Variants in KSR1 observed in about 807,000 individuals in gnomAD.
KSR1 encodes the protein kinase suppressor of ras 1.
In KSR1, 35 loss-of-function variants were observed where a neutral mutation model predicts 92.9. The ratio of observed to expected loss-of-function variants is 0.38; its 90% CI spans 0.29 to 0.50. The LOEUF (loss-of-function observed/expected upper bound fraction) is 0.50, where lower values mean the gene tolerates loss of function less well. Ranked by LOEUF, KSR1 falls within the 20% of genes least tolerant of loss-of-function variation. The pLI is 0.94. For missense variants in KSR1, 972 were observed against 1,158.5 expected (o/e 0.84, Z 2.34); for synonymous variants, 467 against 472.6 (o/e 0.99, Z 0.15).
chr17:27,621,937 C>T, intron 20 of KSR1: 1 of 1,613,710 alleles, frequency 6.2e-7, no homozygotes, highest in Non-Finnish European at 8.5e-7. Flanking sequence ...AGGTTGTAGG[C>T]CTGGCTGCCT....
At chr17:27,482,555 A>G (rs1057277526) in intron 1 of KSR1, among the ~76,000 whole-genome samples, 5 of 152,256 alleles carry the variant, frequency 3.3e-5, no homozygotes, top group African/African-American at 1.2e-4. Context: ...ATTATTTTAT[A>G]CTGATGACGA....
chr17:27,587,912 ATG>A (rs1442233850), intron 5 of KSR1, among the ~76,000 whole-genome samples: 1 of 152,192 alleles, frequency 6.6e-6, no homozygotes, highest in Admixed American at 6.5e-5. Flanking sequence ...CCACTCGAGA[ATG>A]TGGTAAAGCT....
chr17:27,577,903 G>A lies in KSR1; in HGVS notation c.520+264G>A, dbSNP rs955441928. 34 of 595,680 alleles carry A rather than the reference G, an allele frequency of 5.7e-5. No individual in the cohort carries two copies. The highest frequency in any genetic ancestry group is 1.0e-4 in the Admixed American group (4 of 38,786). The allele number at this position is 595,680 out of a possible 1,614,324, so 36.9% of individuals were successfully genotyped here. A position where few individuals can be genotyped will look rare whatever the true frequency, so the allele number is the denominator to read the frequency against. On this transcript the variant is annotated intron_variant, in intron 3 of 20. Transcript: ENST00000644974. This position sits in a 1 kb window ranked among gnomAD's most constrained non-coding sequence, Gnocchi z 4.5. ...CAGGCCTGTCTGCTGGGCTGGGCTGGCCTGGCATGGTTTCCTCTCTGTTGA... is the reference window on the plus strand; with the variant it reads ...CAGGCCTGTCTGCTGGGCTGGGCTGACCTGGCATGGTTTCCTCTCTGTTGA...
intron 14 of KSR1, 57 bp downstream of exon 14, chr17:27,605,870 G>T: frequency 6.3e-7 from 1 of 1,597,634 alleles, no homozygotes; most frequent in South Asian, 1.1e-5. Context: ...CCCTTCCCAG[G>T]GAGCCCTGTT....
intron 2 of KSR1, among the ~76,000 whole-genome samples, chr17:27,555,012 G>A (rs1010970781): frequency 2.6e-5 from 4 of 152,144 alleles, no homozygotes; most frequent in Non-Finnish European, 5.9e-5. Context: ...TACAATGAAC[G>A]CAACTCCAGA....
Position 27,623,395 on chromosome 17 carries a change from A to G in KSR1, c.*3A>G. 2.6e-6 allele frequency: 2 copies of G among 764,304 alleles called. No homozygotes were observed. Among genetic ancestry groups the G allele is most frequent in the Non-Finnish European group, 4.8e-6 (2 of 417,506 alleles). 47.3% of individuals were successfully genotyped at this position (764,304 alleles called of 1,614,324 possible). A position where few individuals can be genotyped will look rare whatever the true frequency, so the allele number is the denominator to read the frequency against. On this transcript the variant is annotated 3_prime_UTR_variant, in exon 21 of 21. Coordinates refer to ENST00000644974, the MANE Select transcript of KSR1 (RefSeq NM_001394583.1). ...AGTCCAGTAATCCAAAGATGTAGCC[A>G]GCCATATGGTTTTTCGCTGCTGATC... is the stretch of plus-strand genomic sequence containing the variant.
rs543736123 is a variant in KSR1 at position 27,481,595 on chromosome 17, C to T, written c.231+24721C>T. Among the ~76,000 whole-genome samples, 24 of 152,294 alleles carry T rather than the reference C, an allele frequency of 1.6e-4. No individual in the cohort carries two copies. In the South Asian group the frequency reaches 4.6e-3, roughly 29 times the overall value. ...GAGCCACCAGCCTTCCTGCTTGACT[C>T]TCTGGTGACTGCCAGCATGATGAGT... On this transcript the variant is annotated intron_variant, in intron 1 of 20. Coordinates refer to ENST00000644974, the MANE Select transcript of KSR1 (RefSeq NM_001394583.1).
chr17:27,603,815 T>C lies in KSR1; in HGVS notation c.1511-19T>C. 1 of 1,613,776 alleles carries C rather than the reference T, an allele frequency of 6.2e-7. No individual in the cohort carries two copies. The highest frequency in any genetic ancestry group is 1.1e-5 in the South Asian group (1 of 91,070). On this transcript the variant is annotated intron_variant, in intron 11 of 20. Coordinates refer to ENST00000644974, the MANE Select transcript of KSR1 (RefSeq NM_001394583.1). ...GGAAAGCAATCTCATGCTTTGTGTT[T>C]GGTTTTTGTTTCCTCCAGACATTTC...
At chr17:27,575,585 G>A (rs766770358) in intron 2 of KSR1, among the ~76,000 whole-genome samples, 1 of 152,098 alleles carries the variant, frequency 6.6e-6, no homozygotes, top group Non-Finnish European at 1.5e-5. Flanking sequence ...GATTAAGAAT[G>A]CCTGACTTCC....
At chr17:27,608,912 C>T (rs1265647231) in intron 15 of KSR1, among the ~76,000 whole-genome samples, 6 of 152,220 alleles carry the variant, frequency 3.9e-5, no homozygotes, top group African/African-American at 1.4e-4. Flanking sequence ...CCTGTTCACA[C>T]CTCCTACCTT....
chr17:27,575,249 A>G (rs890385284), intron 2 of KSR1, among the ~76,000 whole-genome samples: 1 of 152,234 alleles, frequency 6.6e-6, no homozygotes, highest in Non-Finnish European at 1.5e-5. Flanking sequence ...TTTCTTGACC[A>G]TATGCTAAAC....
intron 5 of KSR1, chr17:27,587,435 G>T (rs545410983): frequency 6.6e-6 from 1 of 152,214 alleles, no homozygotes; most frequent in Non-Finnish European, 1.5e-5. Flanking sequence ...TGGGATTGAG[G>T]GGGGCAGTGG....
At chr17:27,463,264 C>T (rs2019534410) in intron 1 of KSR1, among the ~76,000 whole-genome samples, 1 of 152,068 alleles carries the variant, frequency 6.6e-6, no homozygotes, top group Non-Finnish European at 1.5e-5. Flanking sequence ...AATCCCAGCA[C>T]CTTGAGAGGC....
intron 11 of KSR1, chr17:27,601,898 T>C (rs1230889094): frequency 6.2e-7 from 1 of 1,608,896 alleles, no homozygotes; most frequent in Non-Finnish European, 8.5e-7. Flanking sequence ...CACAGTGCCA[T>C]CTGCTGGCCA....
intron 1 of KSR1, among the ~76,000 whole-genome samples, chr17:27,468,770 G>A (rs1224974426): frequency 4.6e-5 from 7 of 152,316 alleles, no homozygotes; most frequent in African/African-American, 1.7e-4. Context: ...ATTGCAGAGT[G>A]TCCATCTCAC....
rs372926649 is a variant in KSR1 at position 27,487,307 on chromosome 17, C to T, written c.231+30433C>T. On this transcript the variant is annotated intron_variant, in intron 1 of 20. Coordinates refer to ENST00000644974, the MANE Select transcript of KSR1 (RefSeq NM_001394583.1). ...AAAATTAGCCAGGTGTGATAGCGCA[C>T]GTCTGTAATCCCAGCTACTCGGGAG... Among the ~76,000 whole-genome samples the T allele has an allele frequency of 8.4e-4, 127 of 152,022 alleles. 1 individual carries two copies. In the South Asian group the frequency reaches 0.024, roughly 29 times the overall value.
intron 1 of KSR1, among the ~76,000 whole-genome samples, chr17:27,513,529 G>A (rs1362715371): frequency 1.3e-5 from 2 of 152,202 alleles, no homozygotes; most frequent in African/African-American, 4.8e-5. Context: ...CCTGGAGGTA[G>A]CATCACTGCA....
intron 2 of KSR1, among the ~76,000 whole-genome samples, chr17:27,551,570 C>G (rs1271843905): frequency 1.4e-5 from 2 of 147,756 alleles, no homozygotes; most frequent in African/African-American, 5.0e-5. Flanking sequence ...TTTTTTTTTT[C>G]CTTCCTCTCC....
intron 1 of KSR1, among the ~76,000 whole-genome samples, chr17:27,513,400 G>C (rs760728676): frequency 2.5e-4 from 38 of 152,160 alleles, no homozygotes; most frequent in Non-Finnish European, 4.6e-4. Flanking sequence ...AGACCAGCCT[G>C]GGCAACATAG....
Sources: allele counts gnomAD v4.1 joint callset (sites outside exome capture counted in the v4.1 genomes callset), GRCh38; gene constraint gnomAD v4.1.1; non-coding constraint Gnocchi (gnomAD v3.1); transcripts MANE v1.5; gene names NCBI Gene and HGNC (gene_info 2026-07-23, HGNC 2026-07-21).